The following NOS1 variants were observed in gnomAD, a reference collection of about 807,000 sequenced individuals.
NOS1 encodes NOS type I.
NOS1 carries 51 observed loss-of-function variants against 164.5 expected under a neutral mutation model. The ratio of observed to expected loss-of-function variants is 0.31; its 90% CI spans 0.25 to 0.39. The LOEUF is 0.39. NOS1 is among the 10% of genes least tolerant of loss of function. NOS1 has a pLI of 1.00. For synonymous variants in NOS1, 719 were observed against 745.8 expected (o/e 0.96, Z 0.59); for missense variants, 1,362 against 1,885.6 (o/e 0.72, Z 5.14).
At chr12:117,269,460 A>ATTTTTTTTTTT (rs200222625) in intron 10 of NOS1, among the ~76,000 whole-genome samples, 1 of 110,048 alleles carries the variant, frequency 9.1e-6, no homozygotes, top group Non-Finnish European at 1.7e-5. Context: ...ATCTCTGGAG[A>ATTTTTTTTTTT]TTTGTTTTTT....
In NOS1 at chr12:117,318,281, T is replaced by C. The variant is rs773421460; in HGVS notation, c.726-6689A>G. Among the ~76,000 whole-genome samples the C allele has an allele frequency of 2.6e-5, 4 of 152,092 alleles. No individual in the cohort carries two copies. The South Asian group carries it at 8.3e-4, about 32-fold the overall frequency. ...CATCAGAAGCACCCCAGGTGGTCCA[T>C]GGACACACTGGGAGACCCATTTCCC... On this transcript the variant is annotated intron_variant, in intron 2 of 28. Coordinates refer to ENST00000317775, the MANE Select transcript of NOS1 (RefSeq NM_000620.5).
At chr12:117,341,735 C>T (rs1446440025) in intron 1 of NOS1, among the ~76,000 whole-genome samples, 1 of 152,146 alleles carries the variant, frequency 6.6e-6, no homozygotes, top group Non-Finnish European at 1.5e-5. Context: ...GCTAGAAAAA[C>T]CAGGGTTTGT....
intron 9 of NOS1, among the ~76,000 whole-genome samples, chr12:117,276,562 C>A (rs1016704285): frequency 5.9e-5 from 9 of 152,248 alleles, no homozygotes; most frequent in Non-Finnish European, 1.0e-4. Context: ...GAATTACAGG[C>A]GTGAGCCACC....
chr12:117,227,573 G>A lies in NOS1; in HGVS notation c.3474C>T (p.Phe1158=), dbSNP rs1868813811. Residue 1158 remains phenylalanine (F), a synonymous_variant, in exon 23 of 29, where the codon TTC becomes TTT. Coordinates refer to ENST00000317775, the MANE Select transcript of NOS1 (RefSeq NM_000620.5). ...GGGTGGCCGGCATCTGGATAGATGGGAACTCCTCCAGCACCTCCACGATGG... is the reference window on the plus strand; with the variant it reads ...GGGTGGCCGGCATCTGGATAGATGGAAACTCCTCCAGCACCTCCACGATGG... ...NPTIVEVLEE[F]PSIQMPATLL... 6.2e-7 allele frequency: 1 copy of A among 1,613,788 alleles called. No homozygotes were observed. Among genetic ancestry groups the A allele is most frequent in the Non-Finnish European group, 8.5e-7 (1 of 1,179,912 alleles).
At chr12:117,286,300 C>T (rs1229166634) in intron 5 of NOS1, 34 bp from the exon 6 acceptor site, 2 of 1,609,762 alleles carry the variant, frequency 1.2e-6, no homozygotes, top group South Asian at 2.2e-5. Flanking sequence ...GGAACATCAC[C>T]CCCTCTTCTG....
At position 117,210,560 on chromosome 12, in the gene NOS1, A is replaced by G; in HGVS notation, c.*4749T>C. ...GTCCACAGATTTCCTAATGGCAAGA[A>G]TGAAAAGGCTGCATTAGGCGCTGGT... On this transcript the variant is annotated 3_prime_UTR_variant, in exon 29 of 29. Coordinates refer to ENST00000317775, the MANE Select transcript of NOS1 (RefSeq NM_000620.5). 1.0e-6 allele frequency: 1 copy of G among 985,476 alleles called. No homozygotes were observed. Among genetic ancestry groups the G allele is most frequent in the Non-Finnish European group, 1.2e-6 (1 of 829,980 alleles). The allele number at this position is 985,476 out of a possible 1,614,324, so 61.0% of individuals were successfully genotyped here.
chr12:117,339,018 G>A (rs1875969706), intron 1 of NOS1, among the ~76,000 whole-genome samples: 3 of 152,050 alleles, frequency 2.0e-5, no homozygotes, highest in Admixed American at 1.3e-4. Flanking sequence ...ACCCAACTGC[G>A]CTCTTTTAAA....
At chr12:117,345,734 C>T (rs1160365878) in intron 1 of NOS1, among the ~76,000 whole-genome samples, 2 of 152,202 alleles carry the variant, frequency 1.3e-5, no homozygotes, top group Non-Finnish European at 1.5e-5. Context: ...GTGGCTCATG[C>T]CTGTAATCCC....
chr12:117,253,631 T>A lies in NOS1; in HGVS notation c.2648+7A>T. ...CTGACCCCCGACCCCCTTATCCCCT[T>A]GCTCACCTCACATTGGCCAGGGGTC... On this transcript the variant is annotated splice_region_variant and intron_variant, in intron 17 of 28. Coordinates refer to ENST00000317775, the MANE Select transcript of NOS1 (RefSeq NM_000620.5). The A allele has an allele frequency of 6.2e-7, 1 of 1,600,816 alleles. No individual in the cohort carries two copies. The highest frequency in any genetic ancestry group is 1.3e-5 in the African/African-American group (1 of 74,680).
At chr12:117,299,912 AC>A (rs1288739090) in intron 3 of NOS1, among the ~76,000 whole-genome samples, 9 of 151,982 alleles carry the variant, frequency 5.9e-5, no homozygotes, top group South Asian at 2.1e-4. Context: ...CCATTACCAG[AC>A]CAGAATGTAT....
intron 3 of NOS1, among the ~76,000 whole-genome samples, chr12:117,299,823 C>A (rs1241270023): frequency 1.3e-5 from 2 of 151,986 alleles, no homozygotes; most frequent in Non-Finnish European, 2.9e-5. Context: ...GGCATCAAGG[C>A]TGAACTTTTT....
In NOS1 at chr12:117,243,388, C is replaced by T; in HGVS notation, c.2871G>A (p.Lys957=). 6.2e-7 allele frequency: 1 copy of T among 1,614,096 alleles called. No individual in the cohort carries two copies. Among genetic ancestry groups the T allele is most frequent in the Admixed American group, 1.7e-5 (1 of 60,006 alleles). Residue 957 remains lysine (K), a synonymous_variant, in exon 19 of 29, where the codon AAG becomes AAA. Transcript: ENST00000317775. The surrounding 1 kb of genome is among the most constrained non-coding windows in gnomAD (Gnocchi z 4.3). ...CATTGCTGATGAGGGAATTGTTGGCCTTTTCAATGTTGACATCATCTCCCA... is the reference window on the plus strand; with the variant it reads ...CATTGCTGATGAGGGAATTGTTGGCTTTTTCAATGTTGACATCATCTCCCA... The part of the protein sequence containing the change: ...FCVGDDVNIE[K]ANNSLISNDR...
At chr12:117,275,858 T>C (rs569352128) in intron 9 of NOS1, among the ~76,000 whole-genome samples, 8 of 152,302 alleles carry the variant, frequency 5.3e-5, no homozygotes, top group East Asian at 1.9e-4. Flanking sequence ...TCGAGTGTGT[T>C]AGCAACTCCC....
At chr12:117,216,184 A>ATTTT (rs35267348) in intron 28 of NOS1, among the ~76,000 whole-genome samples, 81 of 125,720 alleles carry the variant, frequency 6.4e-4, no homozygotes, top group African/African-American at 2.4e-3. Context: ...GTCAAAAGGG[A>ATTTT]TTTTTTTTTT....
rs1314896955 is a variant in NOS1 at position 117,272,985 on chromosome 12, G to A, written c.1665-426C>T. ...TTCTTTCTTTTTTTTGGGGGGTAGG[G>A]GAATGCAGTCTCGCTCTGTCATGCA... is the stretch of plus-strand genomic sequence containing the variant. On this transcript the variant is annotated intron_variant, in intron 9 of 28. Transcript: ENST00000317775. This position sits in a 1 kb window ranked among gnomAD's most constrained non-coding sequence, Gnocchi z 4.3. Among the ~76,000 whole-genome samples the A allele has an allele frequency of 1.3e-5, 2 of 152,028 alleles. No individual in the cohort carries two copies. Among genetic ancestry groups the A allele is most frequent in the African/African-American group, 4.8e-5 (2 of 41,398 alleles).
Position 117,265,510 on chromosome 12 carries a change from T to C in NOS1, c.1942A>G (p.Ser648Gly), listed in dbSNP as rs780850305. 4 of 1,525,184 alleles carry C rather than the reference T, an allele frequency of 2.6e-6. No homozygotes were observed. The Admixed American group carries it at 8.2e-5, about 31-fold the overall frequency. The allele number at this position is 1,525,184 out of a possible 1,614,324, so 94.5% of individuals were successfully genotyped here. A position where few individuals can be genotyped will look rare whatever the true frequency, so the allele number is the denominator to read the frequency against. The change falls in exon 12 of 29, where the codon AGT (serine) becomes GGT (glycine). Residue 648 changes from serine to glycine, a missense_variant and splice_region_variant. Physicochemically the swap from Ser to Gly is moderately conservative, Grantham distance 56. Around this residue, in one of 4 missense-constraint regions of NOS1, gnomAD observed 134 missense variants for 267.3 expected, o/e 0.50. Transcript: ENST00000317775. ...TGGTCAACAATGGTCACTTTGTCAC[T>C]CTGTGGGAGGAGAGGGGACAGGGGT... ...INIAVLYSFQ[S>G]DKVTIVDHHS...
intron 5 of NOS1, 78 bp downstream of exon 5, chr12:117,287,996 T>C (rs1872814696): frequency 1.3e-6 from 2 of 1,571,428 alleles, no homozygotes; most frequent in Non-Finnish European, 1.7e-6. Flanking sequence ...GGCCTTGGTT[T>C]GCAAAGTTGG....
intron 1 of NOS1, among the ~76,000 whole-genome samples, chr12:117,334,585 G>A (rs1466886967): frequency 1.3e-5 from 2 of 152,038 alleles, no homozygotes; most frequent in Non-Finnish European, 2.9e-5. Flanking sequence ...AGTAGAGATA[G>A]GGTTTTGCCA....
chr12:117,276,265 T>C (rs909507645), intron 9 of NOS1, among the ~76,000 whole-genome samples: 3 of 152,198 alleles, frequency 2.0e-5, no homozygotes, highest in Non-Finnish European at 2.9e-5. Context: ...TATCAAATAA[T>C]AGGTTGTATT....
Sources: allele counts gnomAD v4.1 joint callset (sites outside exome capture counted in the v4.1 genomes callset), GRCh38; gene constraint gnomAD v4.1.1; regional missense constraint gnomAD v4.1.1; non-coding constraint Gnocchi (gnomAD v3.1); transcripts MANE v1.5; gene names NCBI Gene and HGNC (gene_info 2026-07-23, HGNC 2026-07-21).